CTNNA2: variants seen among roughly 807,000 people sequenced by gnomAD.
CTNNA2 encodes catenin alpha 2.
Under a neutral mutation model 101.0 loss-of-function variants are expected in CTNNA2, and 42 were observed. The observed-to-expected ratio is 0.42, with a 90% CI of 0.32 to 0.54. CTNNA2 has a LOEUF of 0.54. Among genes scored for constraint, CTNNA2 ranks in the 20% least tolerant of loss-of-function variants. The pLI is 0.14. For synonymous variants in CTNNA2, 450 were observed against 456.4 expected, an observed-to-expected ratio of 0.99 and a Z score of 0.18; for missense variants, 871 against 1,223.1, an observed-to-expected ratio of 0.71 and a Z score of 4.29.
At chr2:79,412,610 T>G (rs1273729263) in intron 4 of CTNNA2, among the ~76,000 whole-genome samples, 1 of 151,904 alleles carries the variant, frequency 6.6e-6, no homozygotes, top group African/African-American at 2.4e-5. Flanking sequence ...ACCGCTCAAC[T>G]ACATGGAAAC....
intron 6 of CTNNA2, among the ~76,000 whole-genome samples, chr2:79,900,297 T>A (rs769655126): frequency 1.4e-4 from 21 of 152,324 alleles, no homozygotes; most frequent in Non-Finnish European, 2.9e-4. Flanking sequence ...AACTTTTTTC[T>A]TTGTTTTAAG....
chr2:80,628,705 C>T (rs1394106201), intron 18 of CTNNA2, among the ~76,000 whole-genome samples: 4 of 152,042 alleles, frequency 2.6e-5, no homozygotes, highest in African/African-American at 9.7e-5. Flanking sequence ...TAGGTAACTC[C>T]TGCCTACAGC....
intron 2 of CTNNA2, among the ~76,000 whole-genome samples, chr2:79,715,205 C>CAAAAAAAAAA (rs140432724): frequency 4.5e-5 from 3 of 66,312 alleles, no homozygotes; most frequent in African/African-American, 6.6e-5. Flanking sequence ...AAAATTCCGT[C>CAAAAAAAAAA]AAAAAAAAAA....
At chr2:79,830,915 C>T (rs1374033460) in intron 3 of CTNNA2, among the ~76,000 whole-genome samples, 2 of 151,988 alleles carry the variant, frequency 1.3e-5, no homozygotes, top group East Asian at 1.9e-4. Flanking sequence ...TAATGTAGGA[C>T]GTGTATATTA....
At chr2:79,338,818 T>A (rs1346870933) in intron 3 of CTNNA2, among the ~76,000 whole-genome samples, 1 of 151,970 alleles carries the variant, frequency 6.6e-6, no homozygotes, top group Non-Finnish European at 1.5e-5. Context: ...CAACAGGATT[T>A]GGTGATGAAT....
At chr2:80,119,250 A>G (rs975246937) in intron 7 of CTNNA2, among the ~76,000 whole-genome samples, 36 of 152,144 alleles carry the variant, frequency 2.4e-4, no homozygotes, top group African/African-American at 7.0e-4. Context: ...TCTGCCATTT[A>G]TCTATCAGAC....
chr2:79,366,431 T>C (rs924141192), intron 3 of CTNNA2, among the ~76,000 whole-genome samples: 1 of 152,220 alleles, frequency 6.6e-6, no homozygotes, highest in African/African-American at 2.4e-5. Context: ...GGGTTGTTTT[T>C]TCCTAATTAT....
chr2:79,458,710 G>A (rs1670849668), intron 4 of CTNNA2, among the ~76,000 whole-genome samples: 1 of 152,044 alleles, frequency 6.6e-6, no homozygotes, highest in Non-Finnish European at 1.5e-5. Flanking sequence ...AACTTCCTAG[G>A]GAGAATGAAT....
intron 7 of CTNNA2, among the ~76,000 whole-genome samples, chr2:79,949,580 C>A (rs2196156): frequency 0.29 from 44,779 of 151,848 alleles, 7,284 homozygotes; most frequent in Non-Finnish European, 0.37. Context: ...TCAGCCTGGG[C>A]AACATAGCTA....
intron 9 of CTNNA2, among the ~76,000 whole-genome samples, chr2:80,435,424 G>A (rs1008099866): frequency 5.9e-5 from 9 of 151,310 alleles, no homozygotes; most frequent in African/African-American, 2.2e-4. Flanking sequence ...TTTTTTCTCT[G>A]TGATCTTACT....
intron 7 of CTNNA2, among the ~76,000 whole-genome samples, chr2:80,038,315 A>C (rs2104249562): frequency 6.6e-6 from 1 of 151,478 alleles, no homozygotes; most frequent in Non-Finnish European, 1.5e-5. Flanking sequence ...TTTATAATTA[A>C]AGAAAAAAAA....
At chr2:79,412,120 A>T (rs1236132254) in intron 4 of CTNNA2, among the ~76,000 whole-genome samples, 3 of 152,088 alleles carry the variant, frequency 2.0e-5, no homozygotes, top group African/African-American at 7.2e-5. Context: ...ACAGACTTTA[A>T]ACCAACAAAG....
At position 79,487,982 on chromosome 2, in the gene CTNNA2, A is replaced by G. The variant is rs867362737; in HGVS notation, c.-134-17072A>G. On this transcript the variant is annotated intron_variant, in intron 4 of 21. Transcript: ENST00000466387. ...ACACAAAGTGTTTAATGATTTGGGG[A>G]TCAGTAACATACTCTCTGGTCCTAG... is the stretch of plus-strand genomic sequence containing the variant. Among the ~76,000 whole-genome samples, 6 of 152,202 alleles carry G rather than the reference A, an allele frequency of 3.9e-5. No homozygotes were observed. The South Asian group carries it at 6.2e-4, about 16-fold the overall frequency.
At chr2:79,964,202 G>A (rs531582618) in intron 7 of CTNNA2, among the ~76,000 whole-genome samples, 1 of 152,172 alleles carries the variant, frequency 6.6e-6, no homozygotes, top group African/African-American at 2.4e-5. Context: ...TTATTGAAGG[G>A]GAAGAGGAAA....
intron 9 of CTNNA2, among the ~76,000 whole-genome samples, chr2:80,503,616 G>C (rs951562868): frequency 6.6e-6 from 1 of 152,066 alleles, no homozygotes; most frequent in Non-Finnish European, 1.5e-5. Context: ...CTAATTCAGT[G>C]CTTTAAGTTT....
At chr2:80,479,101 A>G (rs1339526449) in intron 9 of CTNNA2, among the ~76,000 whole-genome samples, 5 of 151,868 alleles carry the variant, frequency 3.3e-5, no homozygotes, top group Admixed American at 2.6e-4. Context: ...CTTCTTGGTT[A>G]CATATATTCC....
At chr2:79,947,877 A>G (rs145980810) in intron 7 of CTNNA2, among the ~76,000 whole-genome samples, 1 of 152,270 alleles carries the variant, frequency 6.6e-6, no homozygotes, top group Non-Finnish European at 1.5e-5. Flanking sequence ...AATGTTTGCT[A>G]TGGACTTAAA....
intron 7 of CTNNA2, among the ~76,000 whole-genome samples, chr2:79,910,960 A>G (rs903689904): frequency 1.3e-5 from 2 of 152,182 alleles, no homozygotes; most frequent in African/African-American, 4.8e-5. Flanking sequence ...AAAAAACAAA[A>G]TTTGTTTCCT....
At chr2:80,631,758 T>A (rs1209345111) in intron 18 of CTNNA2, among the ~76,000 whole-genome samples, 1 of 152,190 alleles carries the variant, frequency 6.6e-6, no homozygotes, top group African/African-American at 2.4e-5. Flanking sequence ...AAATGCACTA[T>A]ACCTGAGGAT....
Sources: gnomAD v4.1 joint callset for allele counts (sites outside exome capture counted in the v4.1 genomes callset) on GRCh38, gnomAD v4.1.1 for gene constraint, MANE v1.5 for transcripts, NCBI Gene and HGNC (gene_info 2026-07-23, HGNC 2026-07-21) for gene names.